LIFR: variants seen among roughly 807,000 people sequenced by gnomAD.
LIFR encodes the protein LIF receptor subunit alpha.
Under a neutral mutation model 122.2 loss-of-function variants are expected in LIFR, and 84 were observed. The ratio of observed to expected loss-of-function variants is 0.69; its 90% CI spans 0.58 to 0.82. The LOEUF is 0.82. Ranked by LOEUF, LIFR falls within the 40% of genes least tolerant of loss-of-function variation. LIFR has a pLI of 0.00. For synonymous variants in LIFR, 422 were observed against 434.7 expected, an observed-to-expected ratio of 0.97 and a Z score of 0.36; for missense variants, 1,294 against 1,311.6, an observed-to-expected ratio of 0.99 and a Z score of 0.21.
chr5:38,521,244 G>A (rs1208181024), intron 5 of LIFR, among the ~76,000 whole-genome samples: 1 of 152,062 alleles, frequency 6.6e-6, no homozygotes, highest in Non-Finnish European at 1.5e-5. Context: ...TTAGCATATA[G>A]AAACACTTCT....
In LIFR at chr5:38,481,644, C is replaced by T. The variant is rs775530423; in HGVS notation, c.3245G>A (p.Gly1082Glu). ...PKDEDSPKSN[G>E]GGWSFTNFFQ... ...AAAGTTTGTAAAGGACCACCCTCCT[C>T]CATTAGATTTAGGAGAGTCTTCATC... Residue 1082 changes from glycine to glutamate, a missense_variant, in exon 20 of 20, where the codon GGA becomes GAA. Physicochemically the swap from Gly to Glu is moderately conservative, Grantham distance 98. Transcript: ENST00000453190. 25 of 1,613,954 alleles carry T rather than the reference C, an allele frequency of 1.5e-5. No individual in the cohort carries two copies. The Middle Eastern group carries it at 1.8e-3, about 117-fold the overall frequency.
intron 1 of LIFR, among the ~76,000 whole-genome samples, chr5:38,553,678 T>C (rs1255840140): frequency 8.2e-6 from 1 of 121,480 alleles, no homozygotes; most frequent in African/African-American, 2.9e-5. Context: ...ATATATTATA[T>C]GTATGTATAT....
intron 1 of LIFR, among the ~76,000 whole-genome samples, chr5:38,592,073 A>G (rs1301083384): frequency 2.0e-5 from 3 of 151,570 alleles, no homozygotes; most frequent in Admixed American, 1.3e-4. Context: ...TTGGACTTAA[A>G]CTCTTAATTT....
chr5:38,508,250 A>G (rs1445600942), intron 7 of LIFR, among the ~76,000 whole-genome samples: 4 of 152,178 alleles, frequency 2.6e-5, no homozygotes, highest in Admixed American at 2.0e-4. Context: ...CATCAACTAC[A>G]TTTTTATATA....
chr5:38,484,970 A>G (rs1052769721), intron 17 of LIFR, 102 bp from the exon 18 acceptor site: 2 of 800,614 alleles, frequency 2.5e-6, no homozygotes, highest in Admixed American at 2.0e-5. Context: ...TATTTAGGAA[A>G]AAAACAAAAT....
intron 14 of LIFR, chr5:38,490,615 T>C (rs553941766): frequency 2.9e-5 from 5 of 170,710 alleles, no homozygotes; most frequent in Middle Eastern, 2.9e-3. Context: ...TTTTTTTTTT[T>C]CTTTGACGGA....
intron 10 of LIFR, among the ~76,000 whole-genome samples, chr5:38,503,086 C>T (rs1199055151): frequency 3.3e-5 from 5 of 152,022 alleles, no homozygotes; most frequent in Admixed American, 6.5e-5. Flanking sequence ...TAATAATGGT[C>T]AATTAAATTA....
At chr5:38,522,676 G>C (rs1746465984) in intron 5 of LIFR, among the ~76,000 whole-genome samples, 1 of 152,230 alleles carries the variant, frequency 6.6e-6, no homozygotes, top group African/African-American at 2.4e-5. Flanking sequence ...TGTTATTTTA[G>C]GAATGAAATA....
chr5:38,565,704 C>T (rs1749001608), intron 1 of LIFR, among the ~76,000 whole-genome samples: 1 of 151,922 alleles, frequency 6.6e-6, no homozygotes, highest in Non-Finnish European at 1.5e-5. Context: ...TCTCCTGCCT[C>T]AGCCTCCCAA....
intron 1 of LIFR, among the ~76,000 whole-genome samples, chr5:38,578,675 C>G (rs577162173): frequency 6.6e-6 from 1 of 152,098 alleles, no homozygotes; most frequent in South Asian, 2.1e-4. Context: ...TCTCAGCCTC[C>G]TGAGTAGCTG....
chr5:38,550,271 T>C (rs928393727), intron 1 of LIFR: 76 of 961,650 alleles, frequency 7.9e-5, no homozygotes, highest in Non-Finnish European at 8.5e-5. Context: ...ATTTTTAAAA[T>C]AGCTGAGCTA....
Position 38,478,788 on chromosome 5 carries a change from A to G in LIFR, c.*2807T>C, listed in dbSNP as rs1337832600. 4.6e-6 allele frequency: 1 copy of G among 219,098 alleles called. No homozygotes were observed. Among genetic ancestry groups the G allele is most frequent in the Admixed American group, 5.8e-5 (1 of 17,274 alleles). The allele number at this position is 219,098 out of a possible 1,614,324, so 13.6% of individuals were successfully genotyped here. ...TACTATCCCACAGATATGATGGAAC[A>G]TAATGCTAGTTTGACAATTAGATTT... On this transcript the variant is annotated 3_prime_UTR_variant, in exon 20 of 20. Coordinates refer to ENST00000453190, the MANE Select transcript of LIFR (RefSeq NM_001127671.2).
At chr5:38,487,292 T>A (rs867779952) in intron 16 of LIFR, among the ~76,000 whole-genome samples, 1 of 152,220 alleles carries the variant, frequency 6.6e-6, no homozygotes, top group Non-Finnish European at 1.5e-5. Flanking sequence ...GTACAAAATA[T>A]CTGCATTTCT....
upstream of LIFR, among the ~76,000 whole-genome samples, chr5:38,599,622 T>A (rs1046880541): frequency 6.6e-6 from 1 of 152,216 alleles, no homozygotes; most frequent in Non-Finnish European, 1.5e-5. Flanking sequence ...AATCTCCCAC[T>A]GTCTTGCATT....
At position 38,475,437 on chromosome 5, in the gene LIFR, A is replaced by T. The variant is rs1042286798; in HGVS notation, c.*6158T>A. ...CACATCACAACTGTTTATTCACCTT[A>T]AAAAAATGTCTGTAGTGGTAACATT... On this transcript the variant is annotated 3_prime_UTR_variant, in exon 20 of 20. Coordinates refer to ENST00000453190, the MANE Select transcript of LIFR (RefSeq NM_001127671.2). 1.5e-5 allele frequency: 3 copies of T among 197,410 alleles called. No individual in the cohort carries two copies. The highest frequency in any genetic ancestry group is 6.9e-5 in the African/African-American group (3 of 43,368). 12.2% of individuals were successfully genotyped at this position (197,410 alleles called of 1,614,324 possible).
rs570841896 is a variant in LIFR, at chr5:38,586,814, G to A, written c.-20+8447C>T. Among the ~76,000 whole-genome samples, 17 of 151,940 alleles carry A rather than the reference G, an allele frequency of 1.1e-4. No homozygotes were observed. The South Asian group carries it at 2.1e-3, about 19-fold the overall frequency. On this transcript the variant is annotated intron_variant, in intron 1 of 19. Coordinates refer to the LIFR transcript ENST00000263409. ...TAGGTCTGGCACATTGTTTCAACTC[G>A]TTCTGCTTTAAAACTCTCAAATAGT...
rs1426236740 is a variant in LIFR, at chr5:38,481,072, T to C, written c.*523A>G. On this transcript the variant is annotated 3_prime_UTR_variant, in exon 20 of 20. Coordinates refer to ENST00000453190, the MANE Select transcript of LIFR (RefSeq NM_001127671.2). The stretch of plus-strand genomic sequence containing the variant: ...ACTACATTAAAAATTATATTAATTT[T>C]TGTGAATGCTGTGGATAGAGGAGAA... 8.7e-6 allele frequency: 2 copies of C among 230,140 alleles called. No homozygotes were observed. Among genetic ancestry groups the C allele is most frequent in the African/African-American group, 4.5e-5 (2 of 44,724 alleles). The allele number at this position is 230,140 out of a possible 1,614,324, so 14.3% of individuals were successfully genotyped here.
chr5:38,560,046 G>T, upstream of LIFR, among the ~76,000 whole-genome samples: 1 of 152,110 alleles, frequency 6.6e-6, no homozygotes, highest in South Asian at 2.1e-4. Context: ...GTTGATGGTG[G>T]TTTTTTCATT....
At chr5:38,502,871 AT>A in intron 10 of LIFR, 72 bp from the exon 11 acceptor site, 5 of 839,202 alleles carry the variant, frequency 6.0e-6, no homozygotes, top group Non-Finnish European at 8.6e-6. Context: ...ATACATACAC[AT>A]ACATACACTT....
Sources: gnomAD v4.1 joint callset for allele counts (sites outside exome capture counted in the v4.1 genomes callset) on GRCh38, gnomAD v4.1.1 for gene constraint, MANE v1.5 for transcripts, NCBI Gene and HGNC (gene_info 2026-07-23, HGNC 2026-07-21) for gene names.